Variants in B9D1 observed in about 807,000 individuals in gnomAD.
B9D1 encodes B9 domain containing 1, also known as B9 domain-containing protein 1.
A neutral mutation model predicts 26.1 loss-of-function variants in B9D1; 20 were observed. The ratio of observed to expected loss-of-function variants is 0.77; its 90% CI spans 0.54 to 1.12. The LOEUF (loss-of-function observed/expected upper bound fraction) is 1.12, where lower values mean the gene tolerates loss of function less well. B9D1 is among the 50% of genes most tolerant of loss of function. The probability of loss-of-function intolerance (pLI) is 0.00; values close to 1 mark genes in which losing one functional copy is unlikely to be tolerated. For synonymous variants in B9D1, 105 were observed against 103.1 expected (o/e 1.02, Z -0.11); for missense variants, 260 against 273.7 (o/e 0.95, Z 0.35).
intron 1 of B9D1, among the ~76,000 whole-genome samples, chr17:19,361,503 G>T (rs541785905): frequency 6.6e-6 from 1 of 152,204 alleles, no homozygotes; most frequent in South Asian, 2.1e-4. Context: ...GTGTGTGGCG[G>T]GGGGGTCGCT....
intron 3 of B9D1, among the ~76,000 whole-genome samples, chr17:19,348,085 C>A (rs1476072023): frequency 6.6e-6 from 1 of 152,188 alleles, no homozygotes; most frequent in East Asian, 1.9e-4. Context: ...TGTGTCTCCA[C>A]TGAGGCCTGG....
downstream of B9D1, chr17:19,334,975 C>T (rs1250143112): frequency 1.9e-5 from 3 of 155,158 alleles, no homozygotes; most frequent in African/African-American, 7.2e-5. This position sits in a 1 kb window ranked among gnomAD's most constrained non-coding sequence, Gnocchi z 4.9. Context: ...ATAGAATTTA[C>T]CAGGTCTGGC....
downstream of B9D1, among the ~76,000 whole-genome samples, chr17:19,342,049 G>C (rs1848482227): frequency 6.6e-6 from 1 of 152,156 alleles, no homozygotes; most frequent in African/African-American, 2.4e-5. Context: ...CTGGCTGTGA[G>C]GGGTAGAGGT....
At chr17:19,337,256 G>A (rs1157542161), downstream of B9D1, among the ~76,000 whole-genome samples, 2 of 152,238 alleles carry the variant, frequency 1.3e-5, no homozygotes, top group Non-Finnish European at 2.9e-5. Context: ...ACAGCTGACC[G>A]ACAGAGGGCC....
At chr17:19,349,116 C>G (rs763198120) in intron 3 of B9D1, among the ~76,000 whole-genome samples, 1 of 152,202 alleles carries the variant, frequency 6.6e-6, no homozygotes, top group Non-Finnish European at 1.5e-5. Context: ...CCAGCACTCC[C>G]CCAGCAGTGG....
downstream of B9D1, among the ~76,000 whole-genome samples, chr17:19,340,527 C>T (rs551523747): frequency 6.5e-4 from 98 of 150,890 alleles, no homozygotes; most frequent in African/African-American, 2.3e-3. Context: ...TGCCTGTAAT[C>T]CCAACACTTT....
At chr17:19,357,298 C>T (rs1449437899) in intron 3 of B9D1, among the ~76,000 whole-genome samples, 1 of 152,204 alleles carries the variant, frequency 6.6e-6, no homozygotes, top group Non-Finnish European at 1.5e-5. Context: ...AGTGAACAAT[C>T]AGAATGGTTA....
chr17:19,360,149 A>C (rs1910853467), intron 2 of B9D1, among the ~76,000 whole-genome samples, 171 bp downstream of exon 2: 5 of 152,160 alleles, frequency 3.3e-5, no homozygotes, highest in Admixed American at 1.3e-4. Context: ...AGGGAGTCCA[A>C]CCATGGCTGT....
At position 19,377,233 on chromosome 17, in the gene B9D1, G is replaced by GAGACTT. The variant is rs1912175671; in HGVS notation, c.-298+625_-298+626insAAGTCT. ...GACTTGAGACTTGTCTCAGATACTT[G>GAGACTT]GTTCACATAGGTTTCTTTTAGGGGC... is the stretch of plus-strand genomic sequence containing the variant. On this transcript the variant is annotated intron_variant, in intron 1 of 5. Coordinates refer to the B9D1 transcript ENST00000477478. Among the ~76,000 whole-genome samples the GAGACTT allele has an allele frequency of 2.0e-5, 3 of 152,246 alleles. No individual in the cohort carries two copies. The South Asian group carries it at 6.2e-4, about 32-fold the overall frequency.
chr17:19,370,178 T>C lies in B9D1; in HGVS notation c.-298+7681A>G, dbSNP rs1200901213. ...GGGCCTTGCAAGCCTTGGTGATGGA[T>C]TTTATTCCATGAGATGGGGCAGCTG... On this transcript the variant is annotated intron_variant, in intron 1 of 5. Coordinates refer to the B9D1 transcript ENST00000477478. The surrounding 1 kb of genome is among the most constrained non-coding windows in gnomAD (Gnocchi z 5.1). Among the ~76,000 whole-genome samples, 2 of 152,210 alleles carry C rather than the reference T, an allele frequency of 1.3e-5. No individual in the cohort carries two copies. The highest frequency in any genetic ancestry group is 2.9e-5 in the Non-Finnish European group (2 of 68,032).
At chr17:19,344,486 G>A in intron 5 of B9D1, 1 of 278,288 alleles carries the variant, frequency 3.6e-6, no homozygotes. Context: ...GAGGCCAGGA[G>A]GCCGGGGGTG....
upstream of B9D1, among the ~76,000 whole-genome samples, chr17:19,365,533 C>T (rs1215883316): frequency 1.3e-5 from 2 of 152,220 alleles, no homozygotes. This position sits in a 1 kb window ranked among gnomAD's most constrained non-coding sequence, Gnocchi z 5.0. Context: ...TTGTCTGGGC[C>T]CTTCTTGCTG....
chr17:19,343,585 C>T (rs779542752), intron 6 of B9D1, 124 bp from the exon 7 acceptor site: 2 of 1,576,190 alleles, frequency 1.3e-6, no homozygotes, highest in Admixed American at 1.9e-5. Context: ...TGACCCAAGC[C>T]CCTCACTGGG....
chr17:19,343,257 G>A lies in B9D1; in HGVS notation c.*62C>T, dbSNP rs1261634812. 1.2e-6 allele frequency: 2 copies of A among 1,611,384 alleles called. No homozygotes were observed. Among genetic ancestry groups the A allele is most frequent in the Admixed American group, 1.7e-5 (1 of 60,004 alleles). On this transcript the variant is annotated 3_prime_UTR_variant, in exon 7 of 7. Coordinates refer to ENST00000261499, the MANE Select transcript of B9D1 (RefSeq NM_015681.6). ...ACCAGGCTGCCCCTCAGGCCGATGG[G>A]CAGCGGCTGACTTCGGGAAGGCAGC...
At chr17:19,355,656 C>T (rs1216222041) in intron 3 of B9D1, among the ~76,000 whole-genome samples, 2 of 149,976 alleles carry the variant, frequency 1.3e-5, no homozygotes, top group South Asian at 2.1e-4. Context: ...GGTGAAACCC[C>T]GTCTCTACTA....
chr17:19,338,669 T>C (rs1362958925), downstream of B9D1, among the ~76,000 whole-genome samples: 1 of 152,192 alleles, frequency 6.6e-6, no homozygotes, highest in Non-Finnish European at 1.5e-5. Context: ...CATGTTCTGC[T>C]GGCAGCCCAC....
chr17:19,362,392 G>C, intron 1 of B9D1, 115 bp downstream of exon 1: 1 of 740,816 alleles, frequency 1.3e-6, no homozygotes, highest in South Asian at 2.0e-5. Flanking sequence ...GCCTAACCGA[G>C]AGGCTCAGAG....
chr17:19,362,875 C>T (rs1911327395), upstream of B9D1: 2 of 544,260 alleles, frequency 3.7e-6, no homozygotes, highest in East Asian at 4.2e-5. Flanking sequence ...CCGCTCGACT[C>T]AGTTGCACGC....
upstream of B9D1, among the ~76,000 whole-genome samples, chr17:19,366,815 G>A (rs896536527): frequency 1.6e-4 from 25 of 152,178 alleles, no homozygotes; most frequent in African/African-American, 5.8e-4. Flanking sequence ...TTTGTGGCCT[G>A]TCCCTGACGA....
Sources: gnomAD v4.1 joint callset for allele counts (sites outside exome capture counted in the v4.1 genomes callset) on GRCh38, gnomAD v4.1.1 for gene constraint, Gnocchi (gnomAD v3.1) non-coding constraint, MANE v1.5 for transcripts, NCBI Gene and HGNC (gene_info 2026-07-23, HGNC 2026-07-21) for gene names.